The following APC2 variants were observed in gnomAD, a reference collection of about 807,000 sequenced individuals.
APC2 encodes adenomatous polyposis coli protein 2.
A neutral mutation model predicts 72.5 loss-of-function variants in APC2; 41 were observed. The observed-to-expected ratio is 0.57, with a 90% confidence interval of 0.44 to 0.73. The LOEUF is 0.73. Among genes scored for constraint, APC2 ranks in the 30% least tolerant of loss-of-function variants. APC2 has a pLI of 0.00. For missense variants in APC2, 3,729 were observed against 3,403.4 expected (o/e 1.10, Z -2.38); for synonymous variants, 1,898 against 1,612.0 (o/e 1.18, Z -4.25).
In APC2 at chr19:1,469,113, C is replaced by G; in HGVS notation, c.5812C>G (p.Arg1938Gly). The G allele has an allele frequency of 3.7e-6, 5 of 1,368,624 alleles. No individual in the cohort carries two copies. Among genetic ancestry groups the G allele is most frequent in the Non-Finnish European group, 3.8e-6 (4 of 1,051,626 alleles). The allele number at this position is 1,368,624 out of a possible 1,614,324, so 84.8% of individuals were successfully genotyped here. Residue 1938 changes from arginine (R) to glycine (G), a missense_variant, in exon 15 of 15, where the codon CGG (arginine) becomes GGG (glycine). Transcript: ENST00000590469. ...VRIPFMQRPARRGPPPLARAV... is the reference protein window; with the variant it reads ...VRIPFMQRPAGRGPPPLARAV... ...GATCCCGTTCATGCAGAGGCCGGCC[C>G]GGCGTGGGCCGCCACCGCTGGCTCG...
intron 14 of APC2, among the ~76,000 whole-genome samples, chr19:1,464,640 T>C (rs2083976838): frequency 6.7e-6 from 1 of 148,972 alleles, no homozygotes; most frequent in South Asian, 2.1e-4. Context: ...TCCTTTTTTT[T>C]TTTTTTTTTT....
At chr19:1,457,896 G>GGGGGGGGGGGT in intron 9 of APC2, 69 bp from the exon 10 acceptor site, 1 of 1,319,328 alleles carries the variant, frequency 7.6e-7, no homozygotes, top group Non-Finnish European at 9.8e-7. Flanking sequence ...GGCGGGTTGC[G>GGGGGGGGGGGT]GGACCTTCGG....
At chr19:1,457,890 G>A (rs2083860520) in intron 9 of APC2, 75 bp from the exon 10 acceptor site, 15 of 1,290,348 alleles carry the variant, frequency 1.2e-5, no homozygotes, top group Non-Finnish European at 1.6e-5. Context: ...GGGGCGGGCG[G>A]GTTGCGGGAC....
chr19:1,453,366 G>A (rs371053628), intron 3 of APC2, 29 bp downstream of exon 3: 2 of 1,611,896 alleles, frequency 1.2e-6, no homozygotes, highest in Non-Finnish European at 1.7e-6. Context: ...CGCAGAGGGA[G>A]TGGGGGAGGC....
rs1478743004 is a variant in APC2, at chr19:1,458,320, G to T, written c.1303+260G>T. The T allele has an allele frequency of 7.4e-6, 4 of 542,164 alleles. No individual in the cohort carries two copies. In the African/African-American group the frequency reaches 7.6e-5, roughly 10 times the overall value. The allele number at this position is 542,164 out of a possible 1,614,324, so 33.6% of individuals were successfully genotyped here. ...TGACTTTCAGCCCTAAGTTCCCTGGGGCTCAGAACAGGGAACGGACCAGAA... is the reference window on the plus strand; with the variant it reads ...TGACTTTCAGCCCTAAGTTCCCTGGTGCTCAGAACAGGGAACGGACCAGAA... On this transcript the variant is annotated intron_variant, in intron 10 of 14. Transcript: ENST00000590469.
rs2083998818 is a variant in APC2, at chr19:1,465,745, CGCT to C, written c.2446_2448del (p.Leu816del). On this transcript the variant is annotated inframe_deletion, in exon 15 of 15. Coordinates refer to ENST00000590469, the MANE Select transcript of APC2 (RefSeq NM_005883.3). ...GGCAGCCCCTTCCTGCAGGGGCAGG[CGCT>C]GGCTCGCACCCCGCCCACCCGCCGA... The C allele has an allele frequency of 6.5e-7, 1 of 1,538,206 alleles. No individual in the cohort carries two copies. Among genetic ancestry groups the C allele is most frequent in the Admixed American group, 2.0e-5 (1 of 50,842 alleles).
Position 1,469,369 on chromosome 19 carries a change from G to A in APC2, c.6068G>A (p.Gly2023Asp), listed in dbSNP as rs570219184. Residue 2023 changes from glycine to aspartate, a missense_variant, in exon 15 of 15, where the codon GGC becomes GAC. Physicochemically the swap from Gly to Asp is moderately conservative, Grantham distance 94. Coordinates refer to ENST00000590469, the MANE Select transcript of APC2 (RefSeq NM_005883.3). ...SAESAASAPQ[G>D]ASPRRGRPAL... The stretch of plus-strand genomic sequence containing the variant: ...GAGTCCGCGGCCTCTGCCCCCCAGG[G>A]CGCCTCGCCCCGCCGCGGCCGGCCC... 318 of 1,254,908 alleles carry A rather than the reference G, an allele frequency of 2.5e-4. 1 individual carries two copies. In the African/African-American group the frequency reaches 4.3e-3, roughly 17 times the overall value. 77.7% of individuals were successfully genotyped at this position (1,254,908 alleles called of 1,614,324 possible).
Position 1,450,401 on chromosome 19 carries a change from C to T in APC2, c.-19+63C>T, listed in dbSNP as rs191598116. On this transcript the variant is annotated intron_variant, in intron 1 of 14. Transcript: ENST00000590469. ...CCGCCTCGCGTCGAGGTTTCCATCC[C>T]TGGCTCTCAGCATTGCCCGTCAGCA... 5.1e-6 allele frequency: 5 copies of T among 974,602 alleles called. No individual in the cohort carries two copies. In the East Asian group the frequency reaches 5.7e-4, roughly 111 times the overall value. The allele number at this position is 974,602 out of a possible 1,614,324, so 60.4% of individuals were successfully genotyped here.
rs1349475098 is a variant in APC2, at chr19:1,471,276, G to C, written c.*1063G>C. The C allele has an allele frequency of 6.6e-6, 1 of 152,408 alleles. No homozygotes were observed. The highest frequency in any genetic ancestry group is 2.4e-5 in the African/African-American group (1 of 41,436). 9.4% of individuals were successfully genotyped at this position (152,408 alleles called of 1,614,324 possible). ...CTTGTCCCTTTTCAATTCCCTTCTG[G>C]TTCATGATGCATAAAGCGCTAGGCC... On this transcript the variant is annotated 3_prime_UTR_variant, in exon 15 of 15. Transcript: ENST00000590469.
rs1453112387 is a variant in APC2, at chr19:1,472,630, T to C, written c.*2417T>C. The C allele has an allele frequency of 7.2e-6, 1 of 139,298 alleles. No homozygotes were observed. Among genetic ancestry groups the C allele is most frequent in the Non-Finnish European group, 1.5e-5 (1 of 65,184 alleles). 8.6% of individuals were successfully genotyped at this position (139,298 alleles called of 1,614,324 possible). A position where few individuals can be genotyped will look rare whatever the true frequency, so the allele number is the denominator to read the frequency against. On this transcript the variant is annotated 3_prime_UTR_variant, in exon 15 of 15. Transcript: ENST00000590469. ...CCGAGTCCTGAGCTCACTTTCGCCT[T>C]CTCCATCCCCTGCCGTGGGGGCCAC...
At position 1,461,981 on chromosome 19, in the gene APC2, G is replaced by C; in HGVS notation, c.1657G>C (p.Val553Leu). ...RATKESTLKS[V>L]LSALWNLSAH... is the part of the protein sequence containing the mutation. ...CGTCCAGGAGTCCACCCTGAAGAGC[G>C]TGCTGAGCGCCCTGTGGAATCTGTC... Residue 553 changes from valine to leucine, a missense_variant, in exon 14 of 15, where the codon GTG becomes CTG. By Grantham distance (32) the Val-to-Leu change is conservative. Coordinates refer to ENST00000590469, the MANE Select transcript of APC2 (RefSeq NM_005883.3). 2 of 1,612,300 alleles carry C rather than the reference G, an allele frequency of 1.2e-6. No individual in the cohort carries two copies. The highest frequency in any genetic ancestry group is 1.7e-6 in the Non-Finnish European group (2 of 1,179,502).
At chr19:1,458,632 A>T (rs1282002588) in intron 10 of APC2, 1 of 154,318 alleles carries the variant, frequency 6.5e-6, no homozygotes, top group Non-Finnish European at 1.4e-5. Context: ...TGAGCCCAGG[A>T]GGTTAAAGGT....
At chr19:1,450,003 G>T, upstream of APC2, 1 of 545,146 alleles carries the variant, frequency 1.8e-6, no homozygotes, top group Non-Finnish European at 2.3e-6. Context: ...GACGCCCCGC[G>T]GCCGACGCCG....
chr19:1,462,421 C>T (rs1011027934), intron 14 of APC2, among the ~76,000 whole-genome samples: 32 of 151,972 alleles, frequency 2.1e-4, no homozygotes, highest in African/African-American at 7.0e-4. Context: ...TTTGGGAGGC[C>T]GAGGCAGGCA....
At position 1,471,078 on chromosome 19, in the gene APC2, G is replaced by C. The variant is rs1239793244; in HGVS notation, c.*865G>C. On this transcript the variant is annotated 3_prime_UTR_variant, in exon 15 of 15. Transcript: ENST00000590469. The stretch of plus-strand genomic sequence containing the variant: ...GGGTCGCTGGAGTCAGTATCGGCCC[G>C]GCGCAGCCGCGGCGGGCGAGGCCAA... The C allele has an allele frequency of 6.6e-6, 1 of 152,288 alleles. No homozygotes were observed. The highest frequency in any genetic ancestry group is 1.5e-5 in the Non-Finnish European group (1 of 68,104). The allele number at this position is 152,288 out of a possible 1,614,324, so 9.4% of individuals were successfully genotyped here.
Position 1,467,964 on chromosome 19 carries a change from G to A in APC2, c.4663G>A (p.Ala1555Thr), listed in dbSNP as rs1392912673. ...RKEAPAPSKAAPAAPPPARTQ... is the reference protein window; with the variant it reads ...RKEAPAPSKATPAAPPPARTQ... ...GGAGGCCCCTGCCCCGTCCAAGGCT[G>A]CACCAGCTGCCCCGCCGCCCGCCCG... is the stretch of plus-strand genomic sequence containing the variant. The change falls in exon 15 of 15, where the codon GCA becomes ACA. Residue 1555 changes from alanine (A) to threonine (T), a missense_variant. Coordinates refer to ENST00000590469, the MANE Select transcript of APC2 (RefSeq NM_005883.3). 3.2e-6 allele frequency: 5 copies of A among 1,580,174 alleles called. No individual in the cohort carries two copies. In the African/African-American group the frequency reaches 5.6e-5, roughly 18 times the overall value.
chr19:1,468,232 T>C lies in APC2; in HGVS notation c.4931T>C (p.Val1644Ala). The C allele has an allele frequency of 6.7e-7, 1 of 1,494,708 alleles. No homozygotes were observed. The highest frequency in any genetic ancestry group is 8.9e-7 in the Non-Finnish European group (1 of 1,128,228). 92.6% of individuals were successfully genotyped at this position (1,494,708 alleles called of 1,614,324 possible). A position where few individuals can be genotyped will look rare whatever the true frequency, so the allele number is the denominator to read the frequency against. Residue 1644 changes from valine (V) to alanine (A), a missense_variant, in exon 15 of 15, where the codon GTG (valine) becomes GCG (alanine). Coordinates refer to ENST00000590469, the MANE Select transcript of APC2 (RefSeq NM_005883.3). ...SSALPRRRPP[V>A]SGLRRRKPRA... ...GCCCTGCCCAGGCGCCGGCCCCCCG[T>C]GTCTGGCCTGCGGCGCCGCAAGCCC...
chr19:1,464,381 A>T (rs1022840597), intron 14 of APC2, among the ~76,000 whole-genome samples: 1 of 151,640 alleles, frequency 6.6e-6, no homozygotes, highest in Non-Finnish European at 1.5e-5. Flanking sequence ...TTTACATGTT[A>T]TTTATGAAAA....
rs958969555 is a variant in APC2, at chr19:1,471,743, C to T, written c.*1530C>T. ...TGGAGCTCAGAAGGAAACCCCAGCC[C>T]CACCACGGATGACACCATCCCTCCC... is the stretch of plus-strand genomic sequence containing the variant. On this transcript the variant is annotated 3_prime_UTR_variant, in exon 15 of 15. Coordinates refer to ENST00000590469, the MANE Select transcript of APC2 (RefSeq NM_005883.3). 6.6e-6 allele frequency: 1 copy of T among 152,308 alleles called. No homozygotes were observed. Among genetic ancestry groups the T allele is most frequent in the South Asian group, 2.1e-4 (1 of 4,834 alleles). 9.4% of individuals were successfully genotyped at this position (152,308 alleles called of 1,614,324 possible).
Sources: allele counts gnomAD v4.1 joint callset (sites outside exome capture counted in the v4.1 genomes callset), GRCh38; gene constraint gnomAD v4.1.1; transcripts MANE v1.5; gene names NCBI Gene and HGNC (gene_info 2026-07-23, HGNC 2026-07-21).